CORO2B: variants seen among roughly 807,000 people sequenced by gnomAD.
CORO2B encodes coronin-2B.
CORO2B carries 26 observed loss-of-function variants against 58.8 expected under a neutral mutation model. That is an observed-to-expected ratio of 0.44 (90% CI 0.32 to 0.61). The LOEUF (loss-of-function observed/expected upper bound fraction) is 0.61, where lower values mean the gene tolerates loss of function less well. Ranked by LOEUF, CORO2B falls within the 20% of genes least tolerant of loss-of-function variation. The pLI is 0.04. For missense variants in CORO2B, 460 were observed against 645.1 expected (o/e 0.71, Z 3.11); for synonymous variants, 242 against 253.8 (o/e 0.95, Z 0.44).
At chr15:68,633,844 G>C (rs952811963) in intron 1 of CORO2B, among the ~76,000 whole-genome samples, 1 of 152,178 alleles carries the variant, frequency 6.6e-6, no homozygotes, top group Non-Finnish European at 1.5e-5. Flanking sequence ...TTGGGAAGGG[G>C]AAGGCCCATC....
chr15:68,590,358 C>A (rs994357724), intron 1 of CORO2B, among the ~76,000 whole-genome samples: 3 of 152,080 alleles, frequency 2.0e-5, no homozygotes, highest in Non-Finnish European at 4.4e-5. Context: ...CGGAGGCTGC[C>A]CCCCCATGCC....
intron 1 of CORO2B, among the ~76,000 whole-genome samples, chr15:68,593,089 C>G (rs1311916619): frequency 6.6e-6 from 1 of 152,116 alleles, no homozygotes; most frequent in African/African-American, 2.4e-5. Context: ...GGAAATTGGG[C>G]CAAACTCATT....
chr15:68,621,415 A>G (rs1425045652), intron 1 of CORO2B, among the ~76,000 whole-genome samples: 1 of 152,216 alleles, frequency 6.6e-6, no homozygotes, highest in South Asian at 2.1e-4. Context: ...GCAGCGCTGG[A>G]GACATTTGAA....
At chr15:68,625,860 C>A (rs1355373681) in intron 1 of CORO2B, among the ~76,000 whole-genome samples, 2 of 152,082 alleles carry the variant, frequency 1.3e-5, no homozygotes, top group Non-Finnish European at 2.9e-5. Context: ...CCCCCTTGGC[C>A]TCCCAAAATG....
At chr15:68,592,367 T>C (rs950110734) in intron 1 of CORO2B, among the ~76,000 whole-genome samples, 5 of 152,150 alleles carry the variant, frequency 3.3e-5, no homozygotes, top group East Asian at 1.9e-4. Flanking sequence ...GTCTATTTCA[T>C]TGGGAGAGCC....
At chr15:68,620,033 T>G (rs571762958) in intron 1 of CORO2B, among the ~76,000 whole-genome samples, 1 of 152,110 alleles carries the variant, frequency 6.6e-6, no homozygotes, top group South Asian at 2.1e-4. Flanking sequence ...TGCCTCAGCC[T>G]CCTGAGTAGC....
At chr15:68,708,188 C>T (rs548075367) in intron 3 of CORO2B, among the ~76,000 whole-genome samples, 4 of 152,230 alleles carry the variant, frequency 2.6e-5, no homozygotes, top group African/African-American at 9.6e-5. Context: ...TCAACAGCCA[C>T]AGGAGCTGGC....
the CORO2B span, among the ~76,000 whole-genome samples, chr15:68,521,841 A>G: frequency 6.6e-6 from 1 of 151,612 alleles, no homozygotes; most frequent in African/African-American, 2.4e-5. Flanking sequence ...TCCCAGGCTC[A>G]AGCAAGTAGA....
the CORO2B span, among the ~76,000 whole-genome samples, chr15:68,547,508 A>AT: frequency 1.3e-5 from 2 of 152,006 alleles, no homozygotes; most frequent in African/African-American, 2.4e-5. Context: ...TTTTATGCTA[A>AT]TTTTTTTGTG....
At chr15:68,578,397 C>T (rs1899328686), upstream of CORO2B, among the ~76,000 whole-genome samples, 2 of 152,220 alleles carry the variant, frequency 1.3e-5, 1 homozygote, top group South Asian at 4.1e-4. The surrounding 1 kb of genome is among the most constrained non-coding windows in gnomAD (Gnocchi z 4.2). Context: ...TCAGTTTCCT[C>T]CTCTGCAAAA....
At chr15:68,616,702 G>A (rs1045899199) in intron 1 of CORO2B, 24 of 815,650 alleles carry the variant, frequency 2.9e-5, no homozygotes, top group Admixed American at 1.9e-4. Context: ...GAGGGCTAGC[G>A]TTATCAAGGG....
the CORO2B span, among the ~76,000 whole-genome samples, chr15:68,565,310 T>C: frequency 7.1e-4 from 81 of 113,532 alleles, no homozygotes; most frequent in Non-Finnish European, 1.4e-3. Context: ...TATTTTTCTT[T>C]TTATTTAAAA....
intron 1 of CORO2B, among the ~76,000 whole-genome samples, chr15:68,601,624 G>T (rs1053184947): frequency 2.0e-5 from 3 of 152,200 alleles, no homozygotes; most frequent in African/African-American, 7.2e-5. Flanking sequence ...GAGATGTGAA[G>T]GAAGAGGAGG....
intron 2 of CORO2B, among the ~76,000 whole-genome samples, chr15:68,681,508 T>A (rs1391794599): frequency 2.0e-5 from 3 of 152,076 alleles, no homozygotes; most frequent in African/African-American, 7.2e-5. Context: ...GAAAAGGTGG[T>A]CATCCAAATA....
At chr15:68,715,038 ACCCGCAGTGAGTC>A (rs1377924782) in intron 7 of CORO2B, among the ~76,000 whole-genome samples, 164 bp from the exon 8 acceptor site, 14 of 151,974 alleles carry the variant, frequency 9.2e-5, no homozygotes, top group African/African-American at 3.1e-4. Flanking sequence ...CCACCTCTCC[ACCCGCAGTGAGTC>A]CCCTGTGGTG....
intron 2 of CORO2B, among the ~76,000 whole-genome samples, chr15:68,692,372 G>A (rs556977583): frequency 4.5e-4 from 69 of 152,176 alleles, no homozygotes; most frequent in African/African-American, 1.6e-3. Flanking sequence ...ATCACCTGAG[G>A]TCAGGAGTTC....
At chr15:68,691,235 A>G (rs1046479481) in intron 2 of CORO2B, among the ~76,000 whole-genome samples, 1 of 150,100 alleles carries the variant, frequency 6.7e-6, no homozygotes, top group African/African-American at 2.5e-5. Context: ...AGGCTGAGGC[A>G]GGAGAATGGC....
intron 2 of CORO2B, among the ~76,000 whole-genome samples, chr15:68,691,320 T>C (rs1892361686): frequency 1.7e-5 from 1 of 58,052 alleles, no homozygotes; most frequent in Non-Finnish European, 3.5e-5. Context: ...ACAGCGAGAC[T>C]CCGTCTCAAA....
chr15:68,606,624 T>A (rs1900131761), intron 1 of CORO2B, among the ~76,000 whole-genome samples: 1 of 152,206 alleles, frequency 6.6e-6, no homozygotes, highest in South Asian at 2.1e-4. Flanking sequence ...TGGAAGAGGC[T>A]GTGTAGAAAA....
Sources: allele counts gnomAD v4.1 joint callset (sites outside exome capture counted in the v4.1 genomes callset), GRCh38; gene constraint gnomAD v4.1.1; non-coding constraint Gnocchi (gnomAD v3.1); transcripts MANE v1.5; gene names NCBI Gene and HGNC (gene_info 2026-07-23, HGNC 2026-07-21).